Variants in TBC1D22A observed in about 807,000 individuals in gnomAD.
TBC1D22A encodes TBC1 domain family member 22A.
A neutral mutation model predicts 60.2 loss-of-function variants in TBC1D22A; 38 were observed. The observed-to-expected ratio is 0.63, with a 90% CI of 0.49 to 0.83. TBC1D22A has a LOEUF of 0.83. TBC1D22A is among the 40% of genes least tolerant of loss of function. TBC1D22A has a pLI of 0.00. For missense variants in TBC1D22A, 628 were observed against 701.0 expected (o/e 0.90, Z 1.18); for synonymous variants, 302 against 281.7 (o/e 1.07, Z -0.72).
At chr22:46,775,231 G>A (rs1314632831) in intron 1 of TBC1D22A, among the ~76,000 whole-genome samples, 1 of 152,198 alleles carries the variant, frequency 6.6e-6, no homozygotes, top group Non-Finnish European at 1.5e-5. Flanking sequence ...TGGTGCACCC[G>A]CTGCCCTTGT....
At chr22:47,090,189 A>C (rs2147610065) in intron 11 of TBC1D22A, among the ~76,000 whole-genome samples, 1 of 152,290 alleles carries the variant, frequency 6.6e-6, no homozygotes, top group South Asian at 2.1e-4. Context: ...GAGCCTGTGA[A>C]AGATGAAGAT....
At chr22:47,044,121 G>T (rs2062952816) in intron 11 of TBC1D22A, among the ~76,000 whole-genome samples, 1 of 151,920 alleles carries the variant, frequency 6.6e-6, no homozygotes, top group Admixed American at 6.6e-5. Flanking sequence ...TTCCATCAGG[G>T]CAGAGTAGGG....
chr22:47,166,945 G>A (rs567124112), intron 12 of TBC1D22A, among the ~76,000 whole-genome samples: 6 of 152,354 alleles, frequency 3.9e-5, no homozygotes, highest in South Asian at 4.1e-4. Flanking sequence ...AGCACCAGGC[G>A]GGGCACTGTC....
chr22:47,136,669 A>C lies in TBC1D22A; in HGVS notation c.1425+25066A>C, dbSNP rs113907146. Among the ~76,000 whole-genome samples the C allele has an allele frequency of 2.8e-4, 42 of 150,902 alleles. 1 individual carries two copies. Among genetic ancestry groups the C allele is most frequent in the Admixed American group, 2.3e-3 (35 of 15,134 alleles). On this transcript the variant is annotated intron_variant, in intron 12 of 12. Coordinates refer to ENST00000337137, the MANE Select transcript of TBC1D22A (RefSeq NM_014346.5). ...CCTGGGCTTGAGCCCCCTCGTCCCT[A>C]GGGATTCTGAGTGGCCTTTCAGCAC... is the stretch of plus-strand genomic sequence containing the variant.
intron 8 of TBC1D22A, among the ~76,000 whole-genome samples, chr22:46,940,671 GACCGGGGC>G (rs2071946473): frequency 1.4e-5 from 2 of 143,552 alleles, no homozygotes; most frequent in African/African-American, 5.3e-5. Flanking sequence ...ACAGCATGGG[GACCGGGGC>G]ACTAGAATAT....
intron 1 of TBC1D22A, among the ~76,000 whole-genome samples, chr22:46,769,326 G>C (rs1210615388): frequency 6.6e-6 from 1 of 152,192 alleles, no homozygotes; most frequent in African/African-American, 2.4e-5. Flanking sequence ...GCACTGTTGG[G>C]GATAATGAAT....
chr22:46,929,904 C>T (rs192494931), intron 8 of TBC1D22A, among the ~76,000 whole-genome samples: 2 of 152,268 alleles, frequency 1.3e-5, no homozygotes, highest in East Asian at 3.9e-4. Flanking sequence ...CAGAACTCTG[C>T]TCCTCAGCCC....
rs76095927 is a variant in TBC1D22A at position 46,783,916 on chromosome 22, G to A, written c.63-8604G>A. On this transcript the variant is annotated intron_variant, in intron 1 of 12. Coordinates refer to ENST00000337137, the MANE Select transcript of TBC1D22A (RefSeq NM_014346.5). ...TGCTTGTGCAAGGGTTTTCTAGGTC[G>A]TCTATCAAGAAGTGGAATTACGTCA... Among the ~76,000 whole-genome samples, 27 of 152,252 alleles carry A rather than the reference G, an allele frequency of 1.8e-4. No individual in the cohort carries two copies. The East Asian group carries it at 4.4e-3, about 25-fold the overall frequency.
chr22:46,879,767 G>A (rs1413817113), intron 5 of TBC1D22A, among the ~76,000 whole-genome samples: 2 of 152,222 alleles, frequency 1.3e-5, no homozygotes, highest in Non-Finnish European at 2.9e-5. Flanking sequence ...TGAAAACACC[G>A]AATTGCCGTT....
intron 9 of TBC1D22A, among the ~76,000 whole-genome samples, chr22:46,997,359 C>T (rs1191245049): frequency 6.6e-6 from 1 of 152,218 alleles, no homozygotes; most frequent in Non-Finnish European, 1.5e-5. Context: ...AAGTGTCTTA[C>T]ATTTACAAAT....
At chr22:46,958,159 C>T (rs1008138548) in intron 8 of TBC1D22A, among the ~76,000 whole-genome samples, 1 of 152,068 alleles carries the variant, frequency 6.6e-6, no homozygotes, top group South Asian at 2.1e-4. Context: ...AAGGATTGAC[C>T]GTTTCTTTTA....
At chr22:46,926,532 T>TA (rs147615411) in intron 8 of TBC1D22A, among the ~76,000 whole-genome samples, 2,230 of 152,346 alleles carry the variant, frequency 0.015, 47 homozygotes, top group African/African-American at 0.05. Context: ...GGCTGGGCTG[T>TA]GGTGCCCTGT....
chr22:46,839,375 T>G (rs2086655702), intron 4 of TBC1D22A, among the ~76,000 whole-genome samples: 1 of 151,878 alleles, frequency 6.6e-6, no homozygotes, highest in East Asian at 1.9e-4. Flanking sequence ...TGGCGTGATC[T>G]CGGCTTACTG....
At chr22:47,133,544 C>T (rs532609310) in intron 12 of TBC1D22A, among the ~76,000 whole-genome samples, 1 of 152,332 alleles carries the variant, frequency 6.6e-6, no homozygotes, top group African/African-American at 2.4e-5. Flanking sequence ...TCCAGCTGTG[C>T]AGCAGAGTTG....
At chr22:46,788,631 GCCTGCCTCGTAGGT>G (rs2084270166) in intron 1 of TBC1D22A, among the ~76,000 whole-genome samples, 1 of 152,192 alleles carries the variant, frequency 6.6e-6, no homozygotes, top group African/African-American at 2.4e-5. Context: ...CCAGGACAGT[GCCTGCCTCGTAGGT>G]CCTTCCTGGT....
chr22:46,925,930 G>A (rs562545509), intron 8 of TBC1D22A, among the ~76,000 whole-genome samples: 10 of 152,232 alleles, frequency 6.6e-5, no homozygotes, highest in African/African-American at 1.2e-4. Flanking sequence ...AAAACAAGCC[G>A]TAATACTTTT....
rs111253492 is a variant in TBC1D22A at position 47,119,302 on chromosome 22, C to T, written c.1425+7699C>T. Among the ~76,000 whole-genome samples, 43 of 152,242 alleles carry T rather than the reference C, an allele frequency of 2.8e-4. 1 individual carries two copies. The highest frequency in any genetic ancestry group is 2.3e-3 in the Admixed American group (35 of 15,292). On this transcript the variant is annotated intron_variant, in intron 12 of 12. Transcript: ENST00000337137. ...AATCCTTATGCTGTGTGACCTGCCCCGCTGGAAAGAAGCAGCAGGCTTGGC... is the reference window on the plus strand; with the variant it reads ...AATCCTTATGCTGTGTGACCTGCCCTGCTGGAAAGAAGCAGCAGGCTTGGC...
At chr22:47,138,879 A>G (rs747148341) in intron 12 of TBC1D22A, among the ~76,000 whole-genome samples, 15 of 152,176 alleles carry the variant, frequency 9.9e-5, no homozygotes, top group African/African-American at 2.7e-4. Flanking sequence ...AGAGGAACCA[A>G]TCCCTTCCCC....
At chr22:47,030,464 G>A (rs529823400) in intron 10 of TBC1D22A, among the ~76,000 whole-genome samples, 6 of 152,174 alleles carry the variant, frequency 3.9e-5, no homozygotes, top group South Asian at 2.1e-4. Flanking sequence ...CAGAATTTTC[G>A]GTCTGTGGAT....
Sources: allele counts gnomAD v4.1 joint callset (sites outside exome capture counted in the v4.1 genomes callset), GRCh38; gene constraint gnomAD v4.1.1; transcripts MANE v1.5; gene names NCBI Gene and HGNC (gene_info 2026-07-23, HGNC 2026-07-21).